The following MGME1 variants were observed in gnomAD, a reference collection of about 807,000 sequenced individuals.
MGME1 encodes the protein chromosome 20 open reading frame 72.
MGME1 carries 22 observed loss-of-function variants against 33.0 expected under a neutral mutation model. That is an observed-to-expected ratio of 0.67 (90% CI 0.48 to 0.95). The LOEUF (loss-of-function observed/expected upper bound fraction) is 0.95. MGME1 is among the 40% of genes least tolerant of loss of function. The pLI is 0.00. For synonymous variants in MGME1, 133 were observed against 144.0 expected (o/e 0.92, Z 0.55); for missense variants, 383 against 397.8 (o/e 0.96, Z 0.32).
chr20:17,980,879 C>T (rs2035998487), intron 3 of MGME1, among the ~76,000 whole-genome samples: 1 of 151,848 alleles, frequency 6.6e-6, no homozygotes, highest in Admixed American at 6.6e-5. Flanking sequence ...AATAATTTTC[C>T]ACCACCCACA....
intron 3 of MGME1, among the ~76,000 whole-genome samples, chr20:17,982,094 G>T (rs900143367): frequency 6.6e-6 from 1 of 152,170 alleles, no homozygotes; most frequent in African/African-American, 2.4e-5. Flanking sequence ...GTATATTACA[G>T]AGCTGTTCTA....
intron 1 of MGME1, among the ~76,000 whole-genome samples, chr20:17,969,521 C>T (rs1432957900): frequency 1.3e-5 from 2 of 152,178 alleles, no homozygotes; most frequent in African/African-American, 2.4e-5. Context: ...TGTGTTTTTC[C>T]GTGTCTCGCA....
At chr20:17,977,592 ACTG>A (rs2035901016) in intron 3 of MGME1, among the ~76,000 whole-genome samples, 2 of 152,184 alleles carry the variant, frequency 1.3e-5, no homozygotes, top group Non-Finnish European at 2.9e-5. Flanking sequence ...GATGTGCTCT[ACTG>A]CAAGGGTTTG....
intron 4 of MGME1, among the ~76,000 whole-genome samples, chr20:17,988,819 T>C (rs1370079796): frequency 6.6e-6 from 1 of 151,328 alleles, no homozygotes; most frequent in East Asian, 2.0e-4. Flanking sequence ...AAAGCACTTT[T>C]TGGCTGGGCA....
At chr20:17,982,764 T>C (rs1294631552) in intron 3 of MGME1, among the ~76,000 whole-genome samples, 1 of 152,204 alleles carries the variant, frequency 6.6e-6, no homozygotes, top group African/African-American at 2.4e-5. Context: ...GCTACTATGA[T>C]GTTAAAAAAT....
intron 3 of MGME1, among the ~76,000 whole-genome samples, chr20:17,979,567 G>A (rs1440736914): frequency 4.0e-5 from 6 of 150,206 alleles, no homozygotes; most frequent in Admixed American, 6.6e-5. Context: ...ATGCCACCAC[G>A]CCCGGCTAAT....
rs201465869 is a variant in MGME1, at chr20:17,975,831, G to A, written c.659G>A (p.Arg220Gln). The A allele has an allele frequency of 2.6e-4, 417 of 1,614,008 alleles. 1 individual carries two copies. Among genetic ancestry groups the A allele is most frequent in the Admixed American group, 2.1e-3 (124 of 59,978 alleles). Residue 220 changes from arginine (R) to glutamine (Q), a missense_variant, in exon 3 of 5, where the codon CGA becomes CAA. Arg to Gln is a conservative substitution (Grantham distance 43, BLOSUM62 1). Coordinates refer to ENST00000377710, the MANE Select transcript of MGME1 (RefSeq NM_052865.4). ...QHILKDVSGV[R>Q]ALESAVQHET... The stretch of plus-strand genomic sequence containing the variant: ...ATTCTGAAAGATGTCAGTGGAGTGC[G>A]AGCTCTTGAAAGTGCTGTTCAACAT...
At position 17,990,038 on chromosome 20, in the gene MGME1, C is replaced by T. The variant is rs2122640115; in HGVS notation, c.964C>T (p.Leu322Phe). The change falls in exon 5 of 5, where the codon CTT becomes TTT. Residue 322 changes from leucine to phenylalanine, a missense_variant. Leu to Phe is a conservative substitution (Grantham distance 22, BLOSUM62 0). Transcript: ENST00000377710. Reference sequence around the variant, plus strand: ...CTGTTCCCAGTACTGGACCAAGTGGCTTCTTCGACTAGAAGAATATACGGA... The same window carrying T: ...CTGTTCCCAGTACTGGACCAAGTGGTTTCTTCGACTAGAAGAATATACGGA... ...ELCSQYWTKW[L>F]LRLEEYTEKK... 3 of 1,613,930 alleles carry T rather than the reference C, an allele frequency of 1.9e-6. No individual in the cohort carries two copies. In the East Asian group the frequency reaches 6.7e-5, roughly 36 times the overall value.
intron 2 of MGME1, among the ~76,000 whole-genome samples, chr20:17,974,271 G>A (rs960729365): frequency 2.0e-5 from 3 of 151,992 alleles, no homozygotes; most frequent in Non-Finnish European, 2.9e-5. Flanking sequence ...TACCATGTTG[G>A]CCAGGCTGGT....
rs2122478351 is a variant in MGME1, at chr20:17,970,018, T to C, written c.159T>C (p.Ser53=). Reference sequence around the variant, plus strand: ...AAGAAGTGGACCAAGAAAAATACTCTAATTTAGTTCAGTCTGTCTTGTCAT... The same window carrying C: ...AAGAAGTGGACCAAGAAAAATACTCCAATTTAGTTCAGTCTGTCTTGTCAT... ...PYEEVDQEKY[S]NLVQSVLSSR... Residue 53 remains serine (S), a synonymous_variant, in exon 2 of 5, where the codon TCT becomes TCC. Coordinates refer to ENST00000377710, the MANE Select transcript of MGME1 (RefSeq NM_052865.4). 7 of 1,614,160 alleles carry C rather than the reference T, an allele frequency of 4.3e-6. No homozygotes were observed. The highest frequency in any genetic ancestry group is 5.1e-6 in the Non-Finnish European group (6 of 1,180,010).
intron 2 of MGME1, chr20:17,972,741 C>T: frequency 2.0e-6 from 2 of 985,276 alleles, no homozygotes; most frequent in Non-Finnish European, 2.4e-6. Flanking sequence ...ATATGAAGAA[C>T]CTAGCCAGGG....
rs897142681 is a variant in MGME1, at chr20:17,978,227, G to A, written c.731+2324G>A. Among the ~76,000 whole-genome samples the A allele has an allele frequency of 5.3e-5, 8 of 151,984 alleles. No homozygotes were observed. In the East Asian group the frequency reaches 1.5e-3, roughly 29 times the overall value. On this transcript the variant is annotated intron_variant, in intron 3 of 4. Coordinates refer to ENST00000377710, the MANE Select transcript of MGME1 (RefSeq NM_052865.4). ...TTTTTTATTTATTTATTTTTGAGAC[G>A]GAGTTTCACTCTTGTTGCCCAGGTT... is the stretch of plus-strand genomic sequence containing the variant.
Position 17,969,998 on chromosome 20 carries a change from G to A in MGME1, c.139G>A (p.Val47Met). 2 of 1,614,166 alleles carry A rather than the reference G, an allele frequency of 1.2e-6. No individual in the cohort carries two copies. Among genetic ancestry groups the A allele is most frequent in the Non-Finnish European group, 8.5e-7 (1 of 1,180,028 alleles). The change falls in exon 2 of 5, where the codon GTG becomes ATG. Residue 47 changes from valine to methionine, a missense_variant. Val to Met is a conservative substitution (Grantham distance 21). Transcript: ENST00000377710. ...RKKKVNPYEE[V>M]DQEKYSNLVQ... ...GAAAAAAGTGAACCCATATGAAGAA[G>A]TGGACCAAGAAAAATACTCTAATTT...
chr20:17,987,795 T>C (rs2036190452), intron 3 of MGME1, among the ~76,000 whole-genome samples: 1 of 152,208 alleles, frequency 6.6e-6, no homozygotes, highest in Admixed American at 6.5e-5. Context: ...AGTCACCAGT[T>C]ACTGGTCCAC....
rs1198952629 is a variant in MGME1 at position 17,970,195 on chromosome 20, A to G, written c.336A>G (p.Pro112=). The G allele has an allele frequency of 6.2e-7, 1 of 1,614,240 alleles. No individual in the cohort carries two copies. Among genetic ancestry groups the G allele is most frequent in the Non-Finnish European group, 8.5e-7 (1 of 1,180,030 alleles). Residue 112 remains proline (P), a synonymous_variant, in exon 2 of 5, where the codon CCA becomes CCG. Transcript: ENST00000377710. ...TCAATCCAGAGAGAAGTGATAAACC[A>G]AATGCAAGTGATCCTTCAGTTCCTT... ...PIFNPERSDK[P]NASDPSVPLK...
At chr20:17,979,918 T>A (rs2035965373) in intron 3 of MGME1, among the ~76,000 whole-genome samples, 2 of 152,022 alleles carry the variant, frequency 1.3e-5, no homozygotes, top group African/African-American at 4.8e-5. Flanking sequence ...TTTTTGTAGA[T>A]GTGGGGTCTC....
Position 17,990,114 on chromosome 20 carries a change from C to A in MGME1, c.*5C>A, listed in dbSNP as rs1454078440. 1.9e-6 allele frequency: 3 copies of A among 1,613,104 alleles called. No homozygotes were observed. Among genetic ancestry groups the A allele is most frequent in the Admixed American group, 1.7e-5 (1 of 59,988 alleles). ...AAACCAGAATATTCAGAATAGGGAGCAAGTTGCTATTTGGGAACATTCAGC... is the reference window on the plus strand; with the variant it reads ...AAACCAGAATATTCAGAATAGGGAGAAAGTTGCTATTTGGGAACATTCAGC... On this transcript the variant is annotated 3_prime_UTR_variant, in exon 5 of 5. Transcript: ENST00000377710.
chr20:17,974,206 A>G (rs1022348742), intron 2 of MGME1, among the ~76,000 whole-genome samples: 1 of 151,786 alleles, frequency 6.6e-6, no homozygotes, highest in Admixed American at 6.6e-5. Flanking sequence ...CTGGAATTAC[A>G]GGCATGCGCC....
Position 17,970,028 on chromosome 20 carries a change from C to A in MGME1, c.169C>A (p.Gln57Lys). 5 of 1,614,168 alleles carry A rather than the reference C, an allele frequency of 3.1e-6. No homozygotes were observed. The highest frequency in any genetic ancestry group is 1.1e-5 in the South Asian group (1 of 91,086). Residue 57 changes from glutamine (Q) to lysine (K), a missense_variant, in exon 2 of 5, where the codon CAG (glutamine) becomes AAG (lysine). By Grantham distance (53) the Gln-to-Lys change is moderately conservative. Transcript: ENST00000377710. The part of the protein sequence containing the change: ...VDQEKYSNLV[Q>K]SVLSSRGVAQ... ...CCAAGAAAAATACTCTAATTTAGTT[C>A]AGTCTGTCTTGTCATCCAGAGGCGT... is the stretch of plus-strand genomic sequence containing the variant.
Sources: gnomAD v4.1 joint callset for allele counts (sites outside exome capture counted in the v4.1 genomes callset) on GRCh38, gnomAD v4.1.1 for gene constraint, MANE v1.5 for transcripts, NCBI Gene and HGNC (gene_info 2026-07-23, HGNC 2026-07-21) for gene names.